Variants in SYNE2 observed in about 807,000 individuals in gnomAD.
SYNE2 encodes the protein spectrin repeat containing nuclear envelope protein 2, also known as nesprin-2.
A neutral mutation model predicts 856.3 loss-of-function variants in SYNE2; 431 were observed. That is an observed-to-expected ratio of 0.50 (90% CI 0.47 to 0.55). The LOEUF (loss-of-function observed/expected upper bound fraction) is 0.55. SYNE2 is among the 20% of genes least tolerant of loss of function. The probability of loss-of-function intolerance (pLI) is 0.00; values close to 1 mark genes in which losing one functional copy is unlikely to be tolerated. For synonymous variants in SYNE2, 2,923 were observed against 2,872.3 expected (o/e 1.02, Z -0.56); for missense variants, 8,129 against 8,023.2 (o/e 1.01, Z -0.50).
At chr14:64,146,978 G>A (rs183021555) in intron 84 of SYNE2, among the ~76,000 whole-genome samples, 18 of 152,294 alleles carry the variant, frequency 1.2e-4, no homozygotes, top group Middle Eastern at 3.4e-3. Context: ...CACCGTAAGC[G>A]GCCCTTTTCA....
chr14:64,102,095 G>A, intron 64 of SYNE2, 53 bp downstream of exon 64: 4 of 1,279,912 alleles, frequency 3.1e-6, no homozygotes, highest in Non-Finnish European at 4.5e-6. Context: ...CCAGGGGGGA[G>A]CAGGGATCTC....
chr14:64,096,907 G>A (rs1316376856), intron 61 of SYNE2, among the ~76,000 whole-genome samples: 1 of 152,214 alleles, frequency 6.6e-6, no homozygotes, highest in Non-Finnish European at 1.5e-5. Context: ...GGAAAGAATA[G>A]GGGTCTAAGG....
chr14:63,804,523 C>T (rs1016316342), intron 1 of SYNE2, among the ~76,000 whole-genome samples: 2 of 151,318 alleles, frequency 1.3e-5, no homozygotes, highest in African/African-American at 4.9e-5. Context: ...GTTGAAGTTT[C>T]GCTCTTGTTG....
At chr14:64,209,146 G>A (rs2140137696) in intron 101 of SYNE2, 1 of 864,312 alleles carries the variant, frequency 1.2e-6, no homozygotes, top group Admixed American at 2.2e-5. Flanking sequence ...GTCCTGTGTG[G>A]GGTGTGGCTG....
chr14:64,174,814 A>G (rs2098426293), intron 94 of SYNE2, 130 bp from the exon 95 acceptor site: 1 of 795,640 alleles, frequency 1.3e-6, no homozygotes, highest in South Asian at 1.7e-5. Context: ...GTACATTCTG[A>G]CCCAATTTGT....
chr14:64,118,863 A>G (rs1455016127), intron 66 of SYNE2, among the ~76,000 whole-genome samples: 2 of 140,676 alleles, frequency 1.4e-5, no homozygotes, highest in Admixed American at 7.1e-5. Flanking sequence ...TCCGTCTCAG[A>G]AAAAAAAAAA....
chr14:64,069,594 C>A (rs1223886450), intron 51 of SYNE2, among the ~76,000 whole-genome samples: 1 of 152,158 alleles, frequency 6.6e-6, no homozygotes, highest in African/African-American at 2.4e-5. Context: ...GAGCAGTAAT[C>A]CCAAGGATAG....
intron 1 of SYNE2, among the ~76,000 whole-genome samples, chr14:63,812,286 T>C (rs1485251728): frequency 1.3e-5 from 2 of 152,166 alleles, no homozygotes; most frequent in African/African-American, 4.8e-5. Context: ...TTCACATCCA[T>C]TTATAGGCTC....
At chr14:63,989,374 G>C (rs963546028) in intron 19 of SYNE2, among the ~76,000 whole-genome samples, 5 of 152,094 alleles carry the variant, frequency 3.3e-5, no homozygotes, top group African/African-American at 1.2e-4. Context: ...GTCTCGTTCT[G>C]TTGCCCAGGC....
intron 12 of SYNE2, 87 bp from the exon 13 acceptor site, chr14:63,977,818 A>C: frequency 1.1e-6 from 1 of 935,998 alleles, no homozygotes; most frequent in Non-Finnish European, 1.7e-6. Flanking sequence ...TTTTTGAAAA[A>C]AGATGTAATG....
At chr14:63,926,577 G>A (rs1201765862) in intron 2 of SYNE2, among the ~76,000 whole-genome samples, 1 of 152,208 alleles carries the variant, frequency 6.6e-6, no homozygotes. Context: ...CAATAAAACT[G>A]TATTTACAAA....
intron 51 of SYNE2, among the ~76,000 whole-genome samples, chr14:64,070,118 G>A (rs773808259): frequency 1.3e-5 from 2 of 152,156 alleles, no homozygotes; most frequent in Non-Finnish European, 2.9e-5. Flanking sequence ...TGAGTTCTGT[G>A]TACACCACTA....
At chr14:63,922,365 G>A (rs1191450643) in intron 2 of SYNE2, among the ~76,000 whole-genome samples, 5 of 152,156 alleles carry the variant, frequency 3.3e-5, no homozygotes, top group Admixed American at 1.3e-4. Context: ...AAGTTTTCTC[G>A]TTTATAAAAT....
intron 50 of SYNE2, 139 bp downstream of exon 50, chr14:64,063,034 A>G: frequency 1.9e-6 from 2 of 1,036,954 alleles, no homozygotes; most frequent in Middle Eastern, 2.1e-4. Flanking sequence ...ATATTCCTCA[A>G]ATCGAAAGCC....
At chr14:63,821,925 T>C (rs1889230609) in intron 1 of SYNE2, among the ~76,000 whole-genome samples, 1 of 152,148 alleles carries the variant, frequency 6.6e-6, no homozygotes, top group African/African-American at 2.4e-5. Flanking sequence ...GCACAGTGGC[T>C]CATGCCTGTA....
intron 6 of SYNE2, among the ~76,000 whole-genome samples, chr14:63,948,778 GTGTGTATA>G (rs1363221603): frequency 7.9e-5 from 6 of 76,330 alleles, no homozygotes; most frequent in African/African-American, 3.2e-4. Flanking sequence ...ATGTATGTGT[GTGTGTATA>G]TATATATATA....
chr14:64,011,729 T>C (rs1415066750), intron 32 of SYNE2, among the ~76,000 whole-genome samples: 1 of 152,222 alleles, frequency 6.6e-6, no homozygotes, highest in Admixed American at 6.5e-5. Flanking sequence ...CCATGCTGCG[T>C]GTGGCCTGTC....
chr14:64,218,141 G>T, intron 108 of SYNE2: 1 of 445,998 alleles, frequency 2.2e-6, no homozygotes, highest in Non-Finnish European at 4.2e-6. Context: ...AATTGAAACA[G>T]ACCCTTTTCT....
intron 45 of SYNE2, among the ~76,000 whole-genome samples, chr14:64,046,662 T>C (rs2097188574): frequency 6.6e-6 from 1 of 152,192 alleles, no homozygotes; most frequent in African/African-American, 2.4e-5. Flanking sequence ...GGCCAATTTA[T>C]CCTTAATGAT....
Sources: gnomAD v4.1 joint callset for allele counts (sites outside exome capture counted in the v4.1 genomes callset) on GRCh38, gnomAD v4.1.1 for gene constraint, MANE v1.5 for transcripts, NCBI Gene and HGNC (gene_info 2026-07-23, HGNC 2026-07-21) for gene names.